The following GMDS variants were observed in gnomAD, a reference collection of about 807,000 sequenced individuals.
GMDS encodes GDP-mannose 4,6 dehydratase.
In GMDS, 20 loss-of-function variants were observed where a neutral mutation model predicts 49.9. That is an observed-to-expected ratio of 0.40 (90% CI 0.28 to 0.58). The LOEUF (loss-of-function observed/expected upper bound fraction) is 0.58, where lower values mean the gene tolerates loss of function less well. Ranked by LOEUF, GMDS falls within the 20% of genes least tolerant of loss-of-function variation. The probability of loss-of-function intolerance (pLI) is 0.42; values close to 1 mark genes in which losing one functional copy is unlikely to be tolerated. For missense variants in GMDS, 362 were observed against 481.4 expected (o/e 0.75, Z 2.32); for synonymous variants, 177 against 178.6 (o/e 0.99, Z 0.07).
chr6:1,847,078 A>G (rs1647740835), intron 7 of GMDS, among the ~76,000 whole-genome samples: 1 of 152,158 alleles, frequency 6.6e-6, no homozygotes, highest in Non-Finnish European at 1.5e-5. Context: ...TTAAAATAAA[A>G]GACGGTCTTG....
intron 7 of GMDS, among the ~76,000 whole-genome samples, chr6:1,874,453 G>A (rs1355343422): frequency 2.0e-5 from 3 of 152,246 alleles, no homozygotes; most frequent in East Asian, 3.9e-4. Flanking sequence ...TAAGTACTAC[G>A]TTGGAGTGGT....
In GMDS at chr6:2,122,001, T is replaced by C. The variant is rs201452011; in HGVS notation, c.147+2686A>G. ...CTCAGCCTCAGCATCAAGCTCTTCT[T>C]CACAGTGTTTATCTGTTCCTGGTTT... On this transcript the variant is annotated intron_variant, in intron 2 of 10. Coordinates refer to ENST00000380815, the MANE Select transcript of GMDS (RefSeq NM_001500.4). 6.6e-5 allele frequency among the ~76,000 whole-genome samples: 10 copies of C among 152,346 alleles called. No individual in the cohort carries two copies. The East Asian group carries it at 1.7e-3, about 26-fold the overall frequency.
intron 2 of GMDS, among the ~76,000 whole-genome samples, chr6:2,120,108 A>C (rs181543572): frequency 2.6e-5 from 4 of 152,356 alleles, no homozygotes; most frequent in Admixed American, 6.5e-5. Context: ...TATTTAAGTA[A>C]TATCAATAGC....
At chr6:1,728,833 CTCTT>C (rs1366269295) in intron 8 of GMDS, among the ~76,000 whole-genome samples, 4 of 152,044 alleles carry the variant, frequency 2.6e-5, no homozygotes, top group African/African-American at 9.7e-5. Context: ...TTCCTTTCTC[CTCTT>C]TCTTTTTCTG....
chr6:2,137,404 G>A (rs935222012), intron 1 of GMDS, among the ~76,000 whole-genome samples: 1 of 150,490 alleles, frequency 6.6e-6, no homozygotes. Context: ...CACGATCTTG[G>A]CTCACTGCAA....
At chr6:1,638,790 C>T (rs998000950) in intron 9 of GMDS, among the ~76,000 whole-genome samples, 2 of 152,156 alleles carry the variant, frequency 1.3e-5, no homozygotes, top group Admixed American at 1.3e-4. Context: ...TGACTACTAA[C>T]AGAAACACAA....
chr6:2,161,937 T>A (rs989826065), intron 1 of GMDS, among the ~76,000 whole-genome samples: 2 of 152,176 alleles, frequency 1.3e-5, no homozygotes, highest in Admixed American at 6.5e-5. Context: ...AAGCAAGATC[T>A]TGCCACAGAT....
Position 1,968,989 on chromosome 6 carries a change from C to T in GMDS, c.346-8023G>A, listed in dbSNP as rs139773258. Reference sequence around the variant, plus strand: ...TTATTTATAAGAAATTGGCCTGGTGCGGTGGCTCACACCTGTAATCCCAGC... The same window carrying T: ...TTATTTATAAGAAATTGGCCTGGTGTGGTGGCTCACACCTGTAATCCCAGC... On this transcript the variant is annotated intron_variant, in intron 4 of 10. Coordinates refer to ENST00000380815, the MANE Select transcript of GMDS (RefSeq NM_001500.4). Among the ~76,000 whole-genome samples the T allele has an allele frequency of 7.9e-3, 1,208 of 152,052 alleles. 5 individuals carry two copies. Among genetic ancestry groups the T allele is most frequent in the African/African-American group, 0.021 (857 of 41,474 alleles).
intron 4 of GMDS, among the ~76,000 whole-genome samples, chr6:1,973,871 T>TA (rs1319770762): frequency 6.6e-6 from 1 of 152,170 alleles, no homozygotes; most frequent in Non-Finnish European, 1.5e-5. Context: ...GGCCTGTGGT[T>TA]ACAACAATGT....
rs1195276936 is a variant in GMDS, at chr6:2,245,484, C to A, written c.-62G>T. The stretch of plus-strand genomic sequence containing the variant: ...GCGCGGCAGAGGGCAGGCGCGGTGC[C>A]GGCAGGAACGCGGGGGTGTGCAGCA... On this transcript the variant is annotated 5_prime_UTR_variant, in exon 1 of 11. Transcript: ENST00000380815. 3.2e-6 allele frequency: 3 copies of A among 929,766 alleles called. No individual in the cohort carries two copies. Among genetic ancestry groups the A allele is most frequent in the South Asian group, 4.7e-5 (2 of 42,782 alleles). The allele number at this position is 929,766 out of a possible 1,614,324, so 57.6% of individuals were successfully genotyped here.
At chr6:1,839,761 C>G (rs1423125943) in intron 7 of GMDS, among the ~76,000 whole-genome samples, 2 of 152,248 alleles carry the variant, frequency 1.3e-5, no homozygotes, top group East Asian at 3.9e-4. Flanking sequence ...AGATGCTACC[C>G]ATGGAAGGGG....
At chr6:2,043,276 C>T (rs1193165206) in intron 4 of GMDS, 1 of 152,282 alleles carries the variant, frequency 6.6e-6, no homozygotes, top group African/African-American at 2.4e-5. Context: ...TGTCCCTTAA[C>T]AGGGCTCCTG....
chr6:1,984,406 G>A lies in GMDS; in HGVS notation c.346-23440C>T, dbSNP rs558677789. On this transcript the variant is annotated intron_variant, in intron 4 of 10. Coordinates refer to ENST00000380815, the MANE Select transcript of GMDS (RefSeq NM_001500.4). ...ATAAAAGTTAGAAATCCCCGCCCCC[G>A]CCTCCAAAAACAAGAGAAATAGCCA... Among the ~76,000 whole-genome samples, 12 of 95,790 alleles carry A rather than the reference G, an allele frequency of 1.3e-4. No homozygotes were observed. The East Asian group carries it at 1.7e-3, about 14-fold the overall frequency. The allele number at this position is 95,790 out of a possible 152,430, so 62.8% of individuals were successfully genotyped here. A position where few individuals can be genotyped will look rare whatever the true frequency, so the allele number is the denominator to read the frequency against.
At chr6:1,899,665 T>G (rs937155835) in intron 7 of GMDS, among the ~76,000 whole-genome samples, 2 of 152,234 alleles carry the variant, frequency 1.3e-5, no homozygotes, top group African/African-American at 4.8e-5. Context: ...TCCTAAGGCT[T>G]CAGTGGAAAC....
At chr6:1,952,682 G>C (rs1216348178) in intron 6 of GMDS, among the ~76,000 whole-genome samples, 1 of 152,018 alleles carries the variant, frequency 6.6e-6, no homozygotes, top group Non-Finnish European at 1.5e-5. Flanking sequence ...AGACAGAGGA[G>C]CAAAGTTACA....
intron 7 of GMDS, among the ~76,000 whole-genome samples, chr6:1,910,694 G>C (rs952447316): frequency 1.3e-5 from 2 of 152,272 alleles, no homozygotes; most frequent in South Asian, 4.1e-4. Context: ...TGATTCTGGC[G>C]TGCAGTCACC....
intron 7 of GMDS, among the ~76,000 whole-genome samples, chr6:1,801,187 C>A (rs1267333255): frequency 5.3e-5 from 8 of 152,192 alleles, no homozygotes. Context: ...CTTTCAGGAA[C>A]AGAGAAATAT....
At chr6:1,818,608 C>CAAA (rs564065617) in intron 7 of GMDS, among the ~76,000 whole-genome samples, 1 of 49,266 alleles carries the variant, frequency 2.0e-5, no homozygotes, top group African/African-American at 7.5e-5. Context: ...GACTTCATCT[C>CAAA]AAAAAAAAAA....
At chr6:2,029,836 T>C (rs1396589221) in intron 4 of GMDS, among the ~76,000 whole-genome samples, 2 of 152,178 alleles carry the variant, frequency 1.3e-5, no homozygotes, top group Non-Finnish European at 2.9e-5. Context: ...TTGAAGAAGG[T>C]ACTTTAATTT....
Sources: allele counts gnomAD v4.1 joint callset (sites outside exome capture counted in the v4.1 genomes callset), GRCh38; gene constraint gnomAD v4.1.1; transcripts MANE v1.5; gene names NCBI Gene and HGNC (gene_info 2026-07-23, HGNC 2026-07-21).